Variants in CSMD1 observed in about 807,000 individuals in gnomAD.
CSMD1 encodes the protein CUB and Sushi multiple domains 1, also known as CUB and sushi domain-containing protein 1.
CSMD1 carries 213 observed loss-of-function variants against 417.5 expected under a neutral mutation model. The ratio of observed to expected loss-of-function variants is 0.51; its 90% CI spans 0.46 to 0.57. The LOEUF (loss-of-function observed/expected upper bound fraction) is 0.57, where lower values mean the gene tolerates loss of function less well. Among genes scored for constraint, CSMD1 ranks in the 20% least tolerant of loss-of-function variants. The pLI, the probability that CSMD1 is intolerant of heterozygous loss-of-function variation, is 0.00. For synonymous variants in CSMD1, 2,862 were observed against 1,736.8 expected, an observed-to-expected ratio of 1.65 and a Z score of -16.11; for missense variants, 6,923 against 4,529.7, an observed-to-expected ratio of 1.53 and a Z score of -15.17.
At chr8:4,784,087 T>C (rs564148836) in intron 1 of CSMD1, among the ~76,000 whole-genome samples, 1 of 152,344 alleles carries the variant, frequency 6.6e-6, no homozygotes, top group Admixed American at 6.5e-5. Flanking sequence ...TAGGATTTGG[T>C]TCTCTATGTC....
chr8:3,004,453 C>T (rs1457173403), intron 52 of CSMD1, among the ~76,000 whole-genome samples: 1 of 152,188 alleles, frequency 6.6e-6, no homozygotes, highest in African/African-American at 2.4e-5. Context: ...TTAAATCAAT[C>T]TTCTGCGTGA....
At chr8:3,552,868 G>A (rs1049045942) in intron 10 of CSMD1, among the ~76,000 whole-genome samples, 2 of 151,926 alleles carry the variant, frequency 1.3e-5, no homozygotes, top group Non-Finnish European at 2.9e-5. Flanking sequence ...AGATTTACTT[G>A]TTTAATACAA....
chr8:3,714,059 G>GATA (rs1563301773), intron 6 of CSMD1, among the ~76,000 whole-genome samples: 1 of 150,120 alleles, frequency 6.7e-6, no homozygotes. Flanking sequence ...TAGATAGATA[G>GATA]ATGTCCACAT....
At chr8:4,991,532 C>T (rs1419229859) in intron 1 of CSMD1, among the ~76,000 whole-genome samples, 3 of 152,194 alleles carry the variant, frequency 2.0e-5, no homozygotes, top group Admixed American at 6.5e-5. Context: ...TTCGCCACAG[C>T]GGGAGCCGCC....
intron 26 of CSMD1, among the ~76,000 whole-genome samples, chr8:3,253,674 G>C (rs1294044204): frequency 1.3e-5 from 2 of 152,112 alleles, no homozygotes; most frequent in African/African-American, 4.8e-5. Context: ...AAGTCTCTTT[G>C]TAGGTCTCTA....
intron 10 of CSMD1, among the ~76,000 whole-genome samples, chr8:3,569,039 C>G (rs1008522881): frequency 2.0e-5 from 3 of 152,114 alleles, no homozygotes; most frequent in African/African-American, 7.2e-5. Flanking sequence ...TCAAATGTGT[C>G]TACAATAAAA....
chr8:4,653,034 G>A (rs1262115457), intron 1 of CSMD1, among the ~76,000 whole-genome samples: 1 of 152,018 alleles, frequency 6.6e-6, no homozygotes, highest in East Asian at 1.9e-4. Context: ...GCCACAGATA[G>A]GTACCTGTCC....
At chr8:3,809,699 A>G (rs1800954129) in intron 5 of CSMD1, among the ~76,000 whole-genome samples, 1 of 152,152 alleles carries the variant, frequency 6.6e-6, no homozygotes, top group South Asian at 2.1e-4. Context: ...ACACTTCCAG[A>G]GACACTGCCA....
At chr8:4,108,479 G>A (rs902251808) in intron 3 of CSMD1, among the ~76,000 whole-genome samples, 1 of 152,146 alleles carries the variant, frequency 6.6e-6, no homozygotes, top group African/African-American at 2.4e-5. Context: ...ATCAGATTTA[G>A]TGGCAAGTGA....
chr8:4,961,043 C>A (rs1485795954), intron 1 of CSMD1, among the ~76,000 whole-genome samples: 1 of 152,036 alleles, frequency 6.6e-6, no homozygotes, highest in Admixed American at 6.6e-5. Context: ...CCTCTTCTCA[C>A]CCTACGAAAT....
chr8:3,900,383 CTGGGTGACAGTATAGG>C (rs1430544101), intron 5 of CSMD1, among the ~76,000 whole-genome samples: 1 of 151,222 alleles, frequency 6.6e-6, no homozygotes, highest in Non-Finnish European at 1.5e-5. Flanking sequence ...GACAGTGCAG[CTGGGTGACAGTATAGG>C]TGGGTGACAG....
At chr8:4,280,308 G>T (rs554711952) in intron 3 of CSMD1, among the ~76,000 whole-genome samples, 2 of 152,118 alleles carry the variant, frequency 1.3e-5, no homozygotes, top group Non-Finnish European at 2.9e-5. Context: ...AATAAGCTTT[G>T]AAAGAGAGTG....
In CSMD1 at chr8:3,733,205, ACT is replaced by A. The variant is rs1388960983; in HGVS notation, c.931+20723_931+20724del. 3.9e-3 allele frequency among the ~76,000 whole-genome samples: 338 copies of A among 87,068 alleles called. 2 individuals carry two copies. Among genetic ancestry groups the A allele is most frequent in the African/African-American group, 0.012 (217 of 17,670 alleles). The allele number at this position is 87,068 out of a possible 152,430, so 57.1% of individuals were successfully genotyped here. On this transcript the variant is annotated intron_variant, in intron 6 of 69. Coordinates refer to ENST00000635120, the MANE Select transcript of CSMD1 (RefSeq NM_033225.6). ...CACACACACACACACACACACACAC[ACT>A]CTCTCTCTCTCATACATACACATAC...
At chr8:3,848,769 C>A (rs1803682598) in intron 5 of CSMD1, among the ~76,000 whole-genome samples, 1 of 151,738 alleles carries the variant, frequency 6.6e-6, no homozygotes, top group African/African-American at 2.4e-5. Context: ...TTATAATTGT[C>A]AAATATTTAG....
intron 1 of CSMD1, among the ~76,000 whole-genome samples, chr8:4,974,120 G>C (rs1045633538): frequency 2.0e-5 from 3 of 151,942 alleles, no homozygotes; most frequent in Non-Finnish European, 4.4e-5. Flanking sequence ...TCTTGGGCTT[G>C]ATTCTTCTGC....
chr8:4,156,637 T>C (rs1386752241), intron 3 of CSMD1, among the ~76,000 whole-genome samples: 1 of 152,184 alleles, frequency 6.6e-6, no homozygotes, highest in Non-Finnish European at 1.5e-5. Flanking sequence ...TTTTGCTATT[T>C]GGTGATACCA....
chr8:3,767,338 C>T (rs558650316), intron 5 of CSMD1, among the ~76,000 whole-genome samples: 1 of 152,346 alleles, frequency 6.6e-6, no homozygotes, highest in East Asian at 1.9e-4. Context: ...TCATACTGAC[C>T]TGGGTCCAAA....
chr8:4,211,731 T>C (rs77713827), intron 3 of CSMD1, among the ~76,000 whole-genome samples: 404 of 151,904 alleles, frequency 2.7e-3, no homozygotes, highest in African/African-American at 9.1e-3. Context: ...AAGTGGGGAG[T>C]TGACAAAGAG....
chr8:3,804,723 A>G (rs923474913), intron 5 of CSMD1, among the ~76,000 whole-genome samples: 1 of 152,224 alleles, frequency 6.6e-6, no homozygotes, highest in Non-Finnish European at 1.5e-5. Context: ...TTTGTGTATG[A>G]TATTTGCTTC....
Sources: gnomAD v4.1 joint callset for allele counts (sites outside exome capture counted in the v4.1 genomes callset) on GRCh38, gnomAD v4.1.1 for gene constraint, MANE v1.5 for transcripts, NCBI Gene and HGNC (gene_info 2026-07-23, HGNC 2026-07-21) for gene names.